The following BPI variants were observed in gnomAD, a reference collection of about 807,000 sequenced individuals.
BPI encodes the protein bactericidal permeability-increasing protein.
In BPI, 48 loss-of-function variants were observed where a neutral mutation model predicts 57.6. The ratio of observed to expected loss-of-function variants is 0.83; its 90% confidence interval spans 0.66 to 1.06. BPI has a LOEUF of 1.06. BPI is among the 50% of genes least tolerant of loss of function. BPI has a pLI of 0.00. For synonymous variants in BPI, 237 were observed against 238.2 expected, an observed-to-expected ratio of 0.99 and a Z score of 0.05; for missense variants, 651 against 609.7, an observed-to-expected ratio of 1.07 and a Z score of -0.71.
chr20:38,335,474 A>T, intron 13 of BPI, 124 bp from the exon 14 acceptor site: 1 of 836,980 alleles, frequency 1.2e-6, no homozygotes, highest in East Asian at 2.4e-5. Context: ...TGCCCATGCC[A>T]GTCCCTACCT....
intron 4 of BPI, 29 bp from the exon 5 acceptor site, chr20:38,311,845 C>T: frequency 6.2e-7 from 1 of 1,608,112 alleles, no homozygotes; most frequent in South Asian, 1.1e-5. Flanking sequence ...CAAAAAGCCT[C>T]ATCTATGTCC....
intron 1 of BPI, among the ~76,000 whole-genome samples, chr20:38,305,037 G>A (rs1158765188): frequency 1.3e-5 from 2 of 152,232 alleles, no homozygotes; most frequent in African/African-American, 2.4e-5. Context: ...GCCCCAGCAC[G>A]GGGTTGCTCG....
Position 38,337,279 on chromosome 20 carries a change from T to A in BPI, c.*95T>A. 1 of 1,083,186 alleles carries A rather than the reference T, an allele frequency of 9.2e-7. No homozygotes were observed. The highest frequency in any genetic ancestry group is 1.5e-5 in the South Asian group (1 of 67,792). 67.1% of individuals were successfully genotyped at this position (1,083,186 alleles called of 1,614,324 possible). A position where few individuals can be genotyped will look rare whatever the true frequency, so the allele number is the denominator to read the frequency against. On this transcript the variant is annotated 3_prime_UTR_variant, in exon 15 of 15. Transcript: ENST00000642449. ...TCCCCAGGGAATCCTCTCCAGATCTTAACCAAGAGCCCCTTGCAAACTTCT... is the reference window on the plus strand; with the variant it reads ...TCCCCAGGGAATCCTCTCCAGATCTAAACCAAGAGCCCCTTGCAAACTTCT...
rs2076624164 is a variant in BPI, at chr20:38,311,952, G to A, written c.600+15G>A. On this transcript the variant is annotated intron_variant, in intron 5 of 14. Transcript: ENST00000642449. Reference sequence around the variant, plus strand: ...TGAACAGCCAGGTAGGAGGGGCTCAGAGCCCCATCAGCAAACAGAGGAGAA... The same window carrying A: ...TGAACAGCCAGGTAGGAGGGGCTCAAAGCCCCATCAGCAAACAGAGGAGAA... 1 of 1,613,124 alleles carries A rather than the reference G, an allele frequency of 6.2e-7. No homozygotes were observed. The highest frequency in any genetic ancestry group is 1.7e-5 in the Admixed American group (1 of 59,992).
At position 38,304,346 on chromosome 20, in the gene BPI, G is replaced by C. The variant is rs1332337481; in HGVS notation, c.123G>C (p.Leu41=). Residue 41 remains leucine (L), a synonymous_variant, in exon 1 of 15, where the codon CTG becomes CTC. Coordinates refer to ENST00000642449, the MANE Select transcript of BPI (RefSeq NM_001725.3). The part of the protein sequence containing the change: ...GVVVRISQKG[L]DYASQQGTAA... ...TGGTCAGGATCTCCCAGAAGGGCCT[G>C]GACTACGGTAACTGGATGCCTCCCT... 1 of 1,613,444 alleles carries C rather than the reference G, an allele frequency of 6.2e-7. No individual in the cohort carries two copies. Among genetic ancestry groups the C allele is most frequent in the Non-Finnish European group, 8.5e-7 (1 of 1,180,000 alleles).
chr20:38,333,815 A>G (rs1272492760), intron 12 of BPI, among the ~76,000 whole-genome samples: 1 of 144,436 alleles, frequency 6.9e-6, no homozygotes, highest in Non-Finnish European at 1.5e-5. Context: ...ACATTCTTGC[A>G]TCCACATTTT....
chr20:38,329,366 C>A (rs145900733), intron 11 of BPI, among the ~76,000 whole-genome samples: 1 of 152,340 alleles, frequency 6.6e-6, no homozygotes, highest in East Asian at 1.9e-4. Context: ...TCCCTGGCAC[C>A]AAGTCGTCCT....
At chr20:38,331,951 G>A (rs1367151181) in intron 12 of BPI, among the ~76,000 whole-genome samples, 1 of 152,144 alleles carries the variant, frequency 6.6e-6, no homozygotes, top group African/African-American at 2.4e-5. Flanking sequence ...AGAGTCAGAA[G>A]ATGTGATCAG....
At chr20:38,305,790 A>T (rs1246299667) in intron 1 of BPI, among the ~76,000 whole-genome samples, 4 of 152,228 alleles carry the variant, frequency 2.6e-5, no homozygotes, top group African/African-American at 7.2e-5. Context: ...GATTGTACAA[A>T]TTCATACATA....
intron 9 of BPI, among the ~76,000 whole-genome samples, chr20:38,325,426 C>A (rs1423776650): frequency 6.6e-6 from 1 of 152,194 alleles, no homozygotes; most frequent in Non-Finnish European, 1.5e-5. Flanking sequence ...GGGCTCTCTT[C>A]CTGGCTTGTA....
rs544054467 is a variant in BPI, at chr20:38,313,059, CCTT to C, written c.600+1126_600+1128del. On this transcript the variant is annotated intron_variant, in intron 5 of 14. Transcript: ENST00000642449. The stretch of plus-strand genomic sequence containing the variant: ...GTGTAACCTTGAGGAAATTACTTGA[CCTT>C]CTTGAAACTCAGTTTTACCATCTGT... Among the ~76,000 whole-genome samples, 49 of 152,226 alleles carry C rather than the reference CCTT, an allele frequency of 3.2e-4. 3 individuals carry two copies. The South Asian group carries it at 1.0e-2, about 31-fold the overall frequency.
At chr20:38,329,030 T>TAAAC (rs1161420348) in intron 11 of BPI, among the ~76,000 whole-genome samples, 4 of 150,862 alleles carry the variant, frequency 2.7e-5, no homozygotes, top group African/African-American at 9.8e-5. Flanking sequence ...AATAAATAAA[T>TAAAC]AAACAAATAG....
chr20:38,321,132 G>A (rs761485160), intron 7 of BPI, among the ~76,000 whole-genome samples: 111 of 131,154 alleles, frequency 8.5e-4, no homozygotes, highest in Non-Finnish European at 1.5e-3. Flanking sequence ...TGGGTGGGTG[G>A]GTGTATTGGT....
At chr20:38,313,806 T>C (rs1600701114) in intron 5 of BPI, among the ~76,000 whole-genome samples, 1 of 147,218 alleles carries the variant, frequency 6.8e-6, no homozygotes, top group East Asian at 2.0e-4. Flanking sequence ...GGGATGATGA[T>C]GATGGTGATG....
At chr20:38,319,048 A>G (rs1025856693) in intron 6 of BPI, among the ~76,000 whole-genome samples, 34 of 152,302 alleles carry the variant, frequency 2.2e-4, no homozygotes, top group African/African-American at 8.2e-4. Context: ...CAGCTTGGCC[A>G]ACATGGAGAA....
intron 1 of BPI, 79 bp downstream of exon 1, chr20:38,304,432 T>C: frequency 5.2e-6 from 8 of 1,548,234 alleles, no homozygotes; most frequent in Non-Finnish European, 7.0e-6. Flanking sequence ...CCCCTTTAGA[T>C]CCAGCACCTG....
At chr20:38,331,359 A>G (rs1383794989) in intron 12 of BPI, among the ~76,000 whole-genome samples, 1 of 152,186 alleles carries the variant, frequency 6.6e-6, no homozygotes, top group East Asian at 1.9e-4. Context: ...GTATGGTTTA[A>G]ATGGGATTAA....
intron 3 of BPI, among the ~76,000 whole-genome samples, chr20:38,309,913 T>C (rs1359905623): frequency 6.6e-6 from 1 of 152,144 alleles, no homozygotes; most frequent in African/African-American, 2.4e-5. Context: ...TTACAAGAAC[T>C]GCTGGATGTG....
Position 38,335,586 on chromosome 20 carries a change from T to A in BPI, c.1337-12T>A. 6.2e-7 allele frequency: 1 copy of A among 1,612,754 alleles called. No individual in the cohort carries two copies. On this transcript the variant is annotated splice_polypyrimidine_tract_variant and intron_variant, in intron 13 of 14. Coordinates refer to ENST00000642449, the MANE Select transcript of BPI (RefSeq NM_001725.3). ...CTTTTCTCCTGGTCCTCACCATCGG[T>A]CTCTGTCACAGAGAAACTACAGAAA... is the stretch of plus-strand genomic sequence containing the variant.
Sources: gnomAD v4.1 joint callset for allele counts (sites outside exome capture counted in the v4.1 genomes callset) on GRCh38, gnomAD v4.1.1 for gene constraint, MANE v1.5 for transcripts, NCBI Gene and HGNC (gene_info 2026-07-23, HGNC 2026-07-21) for gene names.